The following CHSY3 variants were observed in gnomAD, a reference collection of about 807,000 sequenced individuals.
CHSY3 encodes the protein N-acetylgalactosaminyl-proteoglycan 3-beta-glucuronosyltransferase 3.
In CHSY3, 35 loss-of-function variants were observed where a neutral mutation model predicts 67.2. The observed-to-expected ratio is 0.52, with a 90% CI of 0.40 to 0.69. The LOEUF is 0.69. Among genes scored for constraint, CHSY3 ranks in the 30% least tolerant of loss-of-function variants. The pLI is 0.00. For synonymous variants in CHSY3, 474 were observed against 434.7 expected, an observed-to-expected ratio of 1.09 and a Z score of -1.12; for missense variants, 1,069 against 1,138.5, an observed-to-expected ratio of 0.94 and a Z score of 0.88.
intron 2 of CHSY3, among the ~76,000 whole-genome samples, chr5:129,940,157 G>T (rs1429879927): frequency 1.3e-5 from 2 of 151,942 alleles, no homozygotes; most frequent in Admixed American, 1.3e-4. Context: ...CATACACCAT[G>T]CAGTGTCTCT....
intron 2 of CHSY3, among the ~76,000 whole-genome samples, chr5:130,175,659 T>G (rs1266533629): frequency 6.6e-6 from 1 of 152,134 alleles, no homozygotes; most frequent in Non-Finnish European, 1.5e-5. Context: ...AAAACAGATA[T>G]ATAGACCAAT....
chr5:129,965,519 G>A (rs1445089099), intron 2 of CHSY3, among the ~76,000 whole-genome samples: 2 of 151,714 alleles, frequency 1.3e-5, no homozygotes, highest in Non-Finnish European at 2.9e-5. Context: ...TGCTATTTTG[G>A]TGCTGCAGTG....
chr5:130,047,853 T>G (rs1765201231), intron 2 of CHSY3, among the ~76,000 whole-genome samples: 1 of 151,824 alleles, frequency 6.6e-6, no homozygotes, highest in South Asian at 2.1e-4. Flanking sequence ...TAATTCAAAT[T>G]TTAATATAAC....
chr5:129,925,677 C>T (rs189309887), intron 2 of CHSY3, among the ~76,000 whole-genome samples: 3 of 152,112 alleles, frequency 2.0e-5, no homozygotes, highest in East Asian at 1.9e-4. Context: ...ACTTATTTCT[C>T]CTATCTAACT....
chr5:129,949,031 A>G (rs1171246444), intron 2 of CHSY3, among the ~76,000 whole-genome samples: 3 of 152,078 alleles, frequency 2.0e-5, no homozygotes, highest in Non-Finnish European at 4.4e-5. Context: ...TCTGCTGATT[A>G]TTTCTTTTGC....
At position 129,904,920 on chromosome 5, in the gene CHSY3, G is replaced by A; in HGVS notation, c.91G>A (p.Val31Met). ...CGCGTCCTGGCTCATCGCCCCCAGGGTGGCGGAGCTGAGCGAGAGGAAGAG... is the reference window on the plus strand; with the variant it reads ...CGCGTCCTGGCTCATCGCCCCCAGGATGGCGGAGCTGAGCGAGAGGAAGAG... The part of the protein sequence containing the change: ...TAASWLIAPR[V>M]AELSERKRRG... Residue 31 changes from valine to methionine, a missense_variant, in exon 1 of 3, where the codon GTG (valine) becomes ATG (methionine). Transcript: ENST00000305031. The A allele has an allele frequency of 1.3e-6, 2 of 1,540,596 alleles. No individual in the cohort carries two copies. Among genetic ancestry groups the A allele is most frequent in the African/African-American group, 2.7e-5 (2 of 72,826 alleles).
chr5:130,069,552 TA>T (rs1176678558), intron 2 of CHSY3, among the ~76,000 whole-genome samples: 4 of 152,066 alleles, frequency 2.6e-5, no homozygotes, highest in Non-Finnish European at 5.9e-5. Flanking sequence ...CTCACATAAT[TA>T]TTTTTTTGAC....
chr5:130,184,484 G>C lies in CHSY3; in HGVS notation c.1342G>C (p.Val448Leu), dbSNP rs764683775. Residue 448 changes from valine (V) to leucine (L), a missense_variant, in exon 3 of 3, where the codon GTG (valine) becomes CTG (leucine). Physicochemically the swap from Val to Leu is conservative, Grantham distance 32. Around this residue, in one of 5 missense-constraint regions of CHSY3, gnomAD observed 401 missense variants for 395.2 expected, o/e 1.01. Coordinates refer to ENST00000305031, the MANE Select transcript of CHSY3 (RefSeq NM_175856.5). The stretch of plus-strand genomic sequence containing the variant: ...GAGCAAAGAGGACCAGCAGCTGGGA[G>C]TGATACCTTCTTTCAACCACTTCCA... ...EVSKEDQQLG[V>L]IPSFNHFQPR... The C allele has an allele frequency of 6.2e-7, 1 of 1,613,226 alleles. No individual in the cohort carries two copies. The highest frequency in any genetic ancestry group is 8.5e-7 in the Non-Finnish European group (1 of 1,179,178).
At chr5:129,904,441 G>A (rs1760146149), upstream of CHSY3, 2 of 173,510 alleles carry the variant, frequency 1.2e-5, no homozygotes, top group African/African-American at 2.4e-5. Context: ...GGGAAGGAGG[G>A]AGGAGGGAGG....
chr5:130,098,115 A>G (rs1767111354), intron 2 of CHSY3, among the ~76,000 whole-genome samples: 1 of 152,160 alleles, frequency 6.6e-6, no homozygotes, highest in Non-Finnish European at 1.5e-5. Context: ...CAATGTCACA[A>G]TCAAGGTATT....
At chr5:130,142,594 T>C (rs535840540) in intron 2 of CHSY3, among the ~76,000 whole-genome samples, 12 of 152,354 alleles carry the variant, frequency 7.9e-5, no homozygotes, top group Admixed American at 4.6e-4. Flanking sequence ...AGGAATTAAT[T>C]ACATAATATC....
At chr5:129,911,961 C>T (rs549366862) in intron 2 of CHSY3, among the ~76,000 whole-genome samples, 2 of 152,196 alleles carry the variant, frequency 1.3e-5, no homozygotes, top group East Asian at 3.9e-4. Flanking sequence ...GAGGCTGAGG[C>T]AGGAGAATGG....
chr5:130,182,148 T>C (rs961292793), intron 2 of CHSY3, among the ~76,000 whole-genome samples: 8 of 152,148 alleles, frequency 5.3e-5, no homozygotes, highest in Non-Finnish European at 1.0e-4. Context: ...TTCCAAATTT[T>C]CCACTGCCTT....
chr5:130,020,443 ATATATATATATATATATATTTT>A (rs1465224063), intron 2 of CHSY3, among the ~76,000 whole-genome samples: 107 of 7,740 alleles, frequency 0.014, 5 homozygotes, highest in African/African-American at 0.046. Flanking sequence ...ATATATATAT[ATATATATATATATATATATTTT>A]TTTTTTTTTT....
At chr5:130,035,437 A>C (rs772796486) in intron 2 of CHSY3, among the ~76,000 whole-genome samples, 1 of 152,178 alleles carries the variant, frequency 6.6e-6, no homozygotes, top group Non-Finnish European at 1.5e-5. Flanking sequence ...TCACATATGC[A>C]TTTGGTATTT....
At chr5:130,001,512 C>A in intron 2 of CHSY3, 1 of 961,810 alleles carries the variant, frequency 1.0e-6, no homozygotes, top group Non-Finnish European at 1.2e-6. Flanking sequence ...TAGTGAAGGG[C>A]CTGGGATGAG....
chr5:129,991,083 T>A (rs577383806), intron 2 of CHSY3, among the ~76,000 whole-genome samples: 4 of 151,992 alleles, frequency 2.6e-5, no homozygotes, highest in African/African-American at 9.7e-5. Context: ...CTGAGTAAAA[T>A]GAGAAGGGGT....
intron 2 of CHSY3, among the ~76,000 whole-genome samples, chr5:129,914,391 G>T (rs1010729240): frequency 2.0e-5 from 3 of 152,322 alleles, no homozygotes; most frequent in Non-Finnish European, 4.4e-5. Flanking sequence ...GGGATTACAG[G>T]CGTAAGCCAC....
chr5:130,169,551 T>G (rs1769841999), intron 2 of CHSY3, among the ~76,000 whole-genome samples: 1 of 152,120 alleles, frequency 6.6e-6, no homozygotes, highest in African/African-American at 2.4e-5. Flanking sequence ...AATCCTAAGT[T>G]TGTCCTAACT....
Sources: gnomAD v4.1 joint callset for allele counts (sites outside exome capture counted in the v4.1 genomes callset) on GRCh38, gnomAD v4.1.1 for gene constraint, gnomAD v4.1.1 regional missense constraint, MANE v1.5 for transcripts, NCBI Gene and HGNC (gene_info 2026-07-23, HGNC 2026-07-21) for gene names.